Variants in TENM2 observed in about 807,000 individuals in gnomAD.
TENM2 encodes teneurin-2.
In TENM2, 52 loss-of-function variants were observed where a neutral mutation model predicts 245.2. The observed-to-expected ratio is 0.21, with a 90% CI of 0.17 to 0.27. The LOEUF (loss-of-function observed/expected upper bound fraction) is 0.27. Ranked by LOEUF, TENM2 falls within the 10% of genes least tolerant of loss-of-function variation. The pLI, the probability that TENM2 is intolerant of heterozygous loss-of-function variation, is 1.00. For synonymous variants in TENM2, 1,363 were observed against 1,438.9 expected (o/e 0.95, Z 1.19); for missense variants, 3,046 against 3,666.8 (o/e 0.83, Z 4.37).
At chr5:167,438,075 A>G (rs879944743) in intron 2 of TENM2, among the ~76,000 whole-genome samples, 12 of 152,180 alleles carry the variant, frequency 7.9e-5, no homozygotes, top group African/African-American at 2.7e-4. Context: ...AGTGTTTGAG[A>G]TTCCTCCATA....
chr5:167,769,508 C>T (rs904107738), intron 2 of TENM2, among the ~76,000 whole-genome samples: 1 of 152,170 alleles, frequency 6.6e-6, no homozygotes, highest in Non-Finnish European at 1.5e-5. Flanking sequence ...ACCTGGCTTA[C>T]TATGGCAGTT....
rs183453395 is a variant in TENM2 at position 167,988,030 on chromosome 5, G to T, written c.948-4914G>T. Among the ~76,000 whole-genome samples, 8 of 152,280 alleles carry T rather than the reference G, an allele frequency of 5.3e-5. No homozygotes were observed. In the East Asian group the frequency reaches 1.4e-3, roughly 26 times the overall value. On this transcript the variant is annotated intron_variant, in intron 4 of 28. Coordinates refer to ENST00000518659, the Ensembl canonical transcript of TENM2. ...ACAGACACCACAGTGCCAATGAGCG[G>T]CCTGAGAGCTACATCCTGCGAGGGT...
chr5:167,506,880 A>G (rs565263011), intron 2 of TENM2, among the ~76,000 whole-genome samples: 1 of 152,292 alleles, frequency 6.6e-6, no homozygotes, highest in South Asian at 2.1e-4. Context: ...ATTTTCCATC[A>G]TCTTGAACCT....
At chr5:167,361,183 T>C (rs1289457358) in intron 1 of TENM2, among the ~76,000 whole-genome samples, 1 of 152,170 alleles carries the variant, frequency 6.6e-6, no homozygotes, top group African/African-American at 2.4e-5. Context: ...AAGGTTTTTA[T>C]TTTCAAAATT....
At chr5:167,606,678 C>T (rs1396126576) in intron 2 of TENM2, among the ~76,000 whole-genome samples, 1 of 152,146 alleles carries the variant, frequency 6.6e-6, no homozygotes, top group Non-Finnish European at 1.5e-5. Context: ...TACTGATGTT[C>T]TGGGCCTAGC....
intron 14 of TENM2, among the ~76,000 whole-genome samples, chr5:168,191,948 A>G (rs1474582323): frequency 6.6e-6 from 1 of 152,102 alleles, no homozygotes; most frequent in African/African-American, 2.4e-5. Flanking sequence ...TAACAAGGTC[A>G]CCTTAGGCCA....
chr5:167,095,253 C>T, the TENM2 span, among the ~76,000 whole-genome samples: 1 of 152,088 alleles, frequency 6.6e-6, no homozygotes, highest in Non-Finnish European at 1.5e-5. Context: ...TTTAGAGAGG[C>T]CATTTTGTAG....
At chr5:167,248,572 C>T in the TENM2 span, among the ~76,000 whole-genome samples, 1 of 152,014 alleles carries the variant, frequency 6.6e-6, no homozygotes, top group Non-Finnish European at 1.5e-5. Context: ...GAACATCCCC[C>T]GGGGGGTTCC....
intron 8 of TENM2, among the ~76,000 whole-genome samples, chr5:168,091,011 C>T (rs1349420262): frequency 1.3e-5 from 2 of 152,094 alleles, no homozygotes; most frequent in East Asian, 1.9e-4. Context: ...GTCAGACTGC[C>T]TGGGTTGAGT....
intron 4 of TENM2, among the ~76,000 whole-genome samples, chr5:167,966,565 G>A (rs2151906158): frequency 6.6e-6 from 1 of 152,312 alleles, no homozygotes; most frequent in East Asian, 1.9e-4. Flanking sequence ...TATTGGTAGT[G>A]CGTATTTGGA....
At chr5:167,515,255 A>G (rs1188336602) in intron 2 of TENM2, among the ~76,000 whole-genome samples, 3 of 152,158 alleles carry the variant, frequency 2.0e-5, no homozygotes, top group Non-Finnish European at 4.4e-5. Flanking sequence ...AGACATAAAA[A>G]GAATTGGAAA....
chr5:167,345,707 T>C (rs1758411064), intron 1 of TENM2, among the ~76,000 whole-genome samples: 1 of 152,140 alleles, frequency 6.6e-6, no homozygotes, highest in Non-Finnish European at 1.5e-5. Flanking sequence ...ATATTTCTGA[T>C]TCCTTTAAAA....
At chr5:167,626,273 G>A (rs555941561) in intron 2 of TENM2, among the ~76,000 whole-genome samples, 81 of 151,986 alleles carry the variant, frequency 5.3e-4, no homozygotes, top group African/African-American at 1.4e-3. Context: ...GAAGGCCACC[G>A]AGAGAGGCAA....
intron 2 of TENM2, among the ~76,000 whole-genome samples, chr5:167,527,166 C>T (rs75423057): frequency 0.021 from 3,243 of 151,884 alleles, 131 homozygotes; most frequent in African/African-American, 0.074. Flanking sequence ...TTTGCATTAC[C>T]ACATAGAAAA....
chr5:167,970,076 T>G (rs979537218), intron 4 of TENM2, among the ~76,000 whole-genome samples: 3 of 152,236 alleles, frequency 2.0e-5, no homozygotes, highest in African/African-American at 7.2e-5. Context: ...TGTAATGATT[T>G]TCTCCTCCAG....
chr5:167,094,600 C>T, the TENM2 span, among the ~76,000 whole-genome samples: 1 of 152,280 alleles, frequency 6.6e-6, no homozygotes, highest in African/African-American at 2.4e-5. Flanking sequence ...ATGTAGTCCA[C>T]TGAGAGTGAA....
intron 2 of TENM2, among the ~76,000 whole-genome samples, chr5:167,562,006 T>A (rs926639019): frequency 2.0e-5 from 3 of 152,160 alleles, no homozygotes; most frequent in Non-Finnish European, 4.4e-5. Context: ...AGGCCGGGTA[T>A]GACTAAGTGA....
chr5:168,082,506 A>G (rs947443915), intron 7 of TENM2, among the ~76,000 whole-genome samples: 3 of 152,180 alleles, frequency 2.0e-5, no homozygotes, highest in African/African-American at 7.2e-5. Context: ...TTGGAGAAGA[A>G]GTGGCACTCT....
rs188502103 is a variant in TENM2 at position 167,517,688 on chromosome 5, T to G, written c.502+142215T>G. 4.0e-4 allele frequency among the ~76,000 whole-genome samples: 61 copies of G among 152,268 alleles called. 1 individual carries two copies. In the East Asian group the frequency reaches 0.012, roughly 29 times the overall value. On this transcript the variant is annotated intron_variant, in intron 2 of 28. Coordinates refer to ENST00000518659, the Ensembl canonical transcript of TENM2. ...AAATGGAAGTTTTTATCTGGGAACA[T>G]TTAAAAGCATAAACAGTAAACAAAC...
Sources: gnomAD v4.1 joint callset for allele counts (sites outside exome capture counted in the v4.1 genomes callset) on GRCh38, gnomAD v4.1.1 for gene constraint, MANE v1.5 for transcripts, NCBI Gene and HGNC (gene_info 2026-07-23, HGNC 2026-07-21) for gene names.